The following POLR1A variants were observed in gnomAD, a reference collection of about 807,000 sequenced individuals.
POLR1A encodes RNA polymerase I subunit A, also known as DNA-directed RNA polymerase I subunit RPA1.
POLR1A carries 84 observed loss-of-function variants against 205.3 expected under a neutral mutation model. That is an observed-to-expected ratio of 0.41 (90% CI 0.34 to 0.49). The LOEUF is 0.49. Among genes scored for constraint, POLR1A ranks in the 20% least tolerant of loss-of-function variants. POLR1A has a pLI of 0.22. For synonymous variants in POLR1A, 799 were observed against 863.7 expected, an observed-to-expected ratio of 0.93 and a Z score of 1.31; for missense variants, 1,645 against 2,204.5, an observed-to-expected ratio of 0.75 and a Z score of 5.08.
intron 27 of POLR1A, 131 bp downstream of exon 27, chr2:86,038,569 C>T (rs1672539636): frequency 1.2e-6 from 1 of 829,732 alleles, no homozygotes. Context: ...GCTTCCTAAA[C>T]ACTTCCCTTG....
chr2:86,028,447 T>C lies in POLR1A; in HGVS notation c.4897+147A>G. On this transcript the variant is annotated intron_variant, in intron 32 of 33. Transcript: ENST00000263857. The surrounding 1 kb of genome is among the most constrained non-coding windows in gnomAD (Gnocchi z 4.5). The stretch of plus-strand genomic sequence containing the variant: ...TCACAGATCTGCAGTCTCCTACAGG[T>C]GCACTCACTGCACGCATGCTGCAGT... 1 of 690,364 alleles carries C rather than the reference T, an allele frequency of 1.4e-6. No homozygotes were observed. The highest frequency in any genetic ancestry group is 2.7e-6 in the Non-Finnish European group (1 of 374,156). The allele number at this position is 690,364 out of a possible 1,614,324, so 42.8% of individuals were successfully genotyped here. A position where few individuals can be genotyped will look rare whatever the true frequency, so the allele number is the denominator to read the frequency against.
intron 11 of POLR1A, 110 bp downstream of exon 11, chr2:86,077,749 A>G: frequency 7.8e-7 from 1 of 1,285,522 alleles, no homozygotes; most frequent in South Asian, 1.2e-5. Context: ...TCCTGTCCCC[A>G]GTCCTCTGCG....
intron 26 of POLR1A, 85 bp from the exon 27 acceptor site, chr2:86,038,942 T>G: frequency 7.9e-7 from 1 of 1,265,748 alleles, no homozygotes; most frequent in Non-Finnish European, 1.1e-6. Flanking sequence ...ACCCAAGGGT[T>G]TACAGAGATA....
chr2:86,040,928 C>A (rs1672589193), intron 24 of POLR1A, among the ~76,000 whole-genome samples: 1 of 152,120 alleles, frequency 6.6e-6, no homozygotes. Context: ...TCAATTATGA[C>A]AATTTGGAGA....
chr2:86,072,460 A>G (rs1479144495), intron 12 of POLR1A, among the ~76,000 whole-genome samples: 1 of 152,204 alleles, frequency 6.6e-6, no homozygotes, highest in Non-Finnish European at 1.5e-5. Context: ...GCGTAAGCAA[A>G]CTCGCCACAG....
Position 86,056,787 on chromosome 2 carries a change from A to C in POLR1A, c.2059-2498T>G, listed in dbSNP as rs1199556237. Among the ~76,000 whole-genome samples the C allele has an allele frequency of 5.0e-4, 76 of 152,182 alleles. 1 individual carries two copies. The highest frequency in any genetic ancestry group is 5.0e-3 in the Admixed American group (76 of 15,278). ...AGTGGAACAAAGCGTGGGTGACTGC[A>C]CATCTGTTTACAGCATGTTTTGCTG... is the stretch of plus-strand genomic sequence containing the variant. On this transcript the variant is annotated intron_variant, in intron 14 of 33. Transcript: ENST00000263857.
intron 3 of POLR1A, 138 bp downstream of exon 3, chr2:86,098,473 T>C (rs1673748752): frequency 3.8e-6 from 3 of 793,722 alleles, no homozygotes; most frequent in East Asian, 2.7e-5. Context: ...CACTCAGCTA[T>C]TGGTATCCAG....
intron 3 of POLR1A, among the ~76,000 whole-genome samples, chr2:86,097,656 A>G (rs1475536295): frequency 2.0e-5 from 3 of 152,228 alleles, no homozygotes; most frequent in African/African-American, 7.2e-5. Flanking sequence ...AAACACTGCA[A>G]GTTCCTACTC....
At chr2:86,044,056 A>G (rs1029442153) in intron 22 of POLR1A, 83 bp downstream of exon 22, 63 of 1,405,718 alleles carry the variant, frequency 4.5e-5, no homozygotes, top group Non-Finnish European at 5.8e-5. Flanking sequence ...ACTGGGTTGC[A>G]AAGCTCAGCG....
At chr2:86,071,137 G>C (rs1339230492) in intron 12 of POLR1A, among the ~76,000 whole-genome samples, 1 of 145,084 alleles carries the variant, frequency 6.9e-6, no homozygotes, top group African/African-American at 2.5e-5. Flanking sequence ...ATGTATTACA[G>C]CAAAGAAAAA....
At chr2:86,085,761 T>C (rs189282301) in intron 6 of POLR1A, among the ~76,000 whole-genome samples, 2 of 152,354 alleles carry the variant, frequency 1.3e-5, no homozygotes, top group Non-Finnish European at 2.9e-5. Flanking sequence ...CTTCTGCAGC[T>C]TGCAACAATG....
At chr2:86,071,608 TAAG>T (rs1300764751) in intron 12 of POLR1A, among the ~76,000 whole-genome samples, 1 of 152,186 alleles carries the variant, frequency 6.6e-6, no homozygotes, top group Non-Finnish European at 1.5e-5. Context: ...AATTTAAAGA[TAAG>T]AATTTAAAAA....
chr2:86,071,447 C>T (rs1673179821), intron 12 of POLR1A, among the ~76,000 whole-genome samples: 1 of 152,158 alleles, frequency 6.6e-6, no homozygotes, highest in Non-Finnish European at 1.5e-5. Flanking sequence ...TGAGTCACCA[C>T]ACTCAGCTAC....
intron 27 of POLR1A, among the ~76,000 whole-genome samples, chr2:86,038,419 T>C (rs1461939725): frequency 2.0e-5 from 3 of 152,190 alleles, no homozygotes; most frequent in African/African-American, 7.2e-5. Flanking sequence ...CATGTCTTAA[T>C]GCCTGCAAGC....
chr2:86,056,825 A>C (rs60479377), intron 14 of POLR1A, among the ~76,000 whole-genome samples: 10,052 of 152,190 alleles, frequency 0.066, 580 homozygotes, highest in East Asian at 0.33. Flanking sequence ...TATTTCAAGT[A>C]CCTGTTGAGA....
In POLR1A at chr2:86,027,111, G is replaced by C; in HGVS notation, c.*312C>G. 2.4e-6 allele frequency: 1 copy of C among 414,310 alleles called. No homozygotes were observed. The allele number at this position is 414,310 out of a possible 1,614,324, so 25.7% of individuals were successfully genotyped here. ...CGTGAATCAGGACTTCTCCTTAGGG[G>C]TTATGCCACAGAGGCCTCCTGCAGC... On this transcript the variant is annotated 3_prime_UTR_variant, in exon 34 of 34. Coordinates refer to ENST00000263857, the MANE Select transcript of POLR1A (RefSeq NM_015425.6).
chr2:86,080,279 G>A (rs1673375762), intron 9 of POLR1A, among the ~76,000 whole-genome samples: 1 of 152,158 alleles, frequency 6.6e-6, no homozygotes, highest in Non-Finnish European at 1.5e-5. Context: ...CCGGCACACA[G>A]ATGGGGCTCA....
At chr2:86,030,150 G>T (rs772083630) in intron 31 of POLR1A, 46 bp downstream of exon 31, 1 of 1,497,040 alleles carries the variant, frequency 6.7e-7, no homozygotes, top group Non-Finnish European at 9.3e-7. Context: ...ACAACGTGGG[G>T]TGAGGACTAA....
chr2:86,044,805 ACTT>A (rs928516599), intron 21 of POLR1A, among the ~76,000 whole-genome samples: 14 of 152,018 alleles, frequency 9.2e-5, no homozygotes, highest in South Asian at 2.1e-4. Context: ...TTTTATCTCA[ACTT>A]CTTCTGCTCT....
Sources: gnomAD v4.1 joint callset for allele counts (sites outside exome capture counted in the v4.1 genomes callset) on GRCh38, gnomAD v4.1.1 for gene constraint, Gnocchi (gnomAD v3.1) non-coding constraint, MANE v1.5 for transcripts, NCBI Gene and HGNC (gene_info 2026-07-23, HGNC 2026-07-21) for gene names.